Variants in NKAIN2 observed in about 807,000 individuals in gnomAD.
NKAIN2 encodes sodium/potassium-transporting ATPase subunit beta-1-interacting protein 2.
In NKAIN2, 14 loss-of-function variants were observed where a neutral mutation model predicts 32.6. The observed-to-expected ratio is 0.43, with a 90% CI of 0.28 to 0.67. The LOEUF is 0.67. Among genes scored for constraint, NKAIN2 ranks in the 30% least tolerant of loss-of-function variants. The pLI, the probability that NKAIN2 is intolerant of heterozygous loss-of-function variation, is 0.17. For missense variants in NKAIN2, 198 were observed against 258.3 expected (o/e 0.77, Z 1.60); for synonymous variants, 80 against 87.2 (o/e 0.92, Z 0.46).
intron 4 of NKAIN2, among the ~76,000 whole-genome samples, chr6:124,707,611 A>G (rs1014003251): frequency 1.4e-5 from 2 of 143,804 alleles, no homozygotes; most frequent in African/African-American, 5.3e-5. Context: ...GCATTTTTTC[A>G]TGTGTTTTTT....
chr6:124,519,743 T>C (rs1446440667), intron 3 of NKAIN2, among the ~76,000 whole-genome samples: 1 of 152,166 alleles, frequency 6.6e-6, no homozygotes, highest in Non-Finnish European at 1.5e-5. Flanking sequence ...ATTTTAAAAT[T>C]TAAGCAGCAG....
chr6:124,110,720 A>G (rs1430699075), intron 1 of NKAIN2, among the ~76,000 whole-genome samples: 1 of 152,124 alleles, frequency 6.6e-6, no homozygotes, highest in Non-Finnish European at 1.5e-5. Flanking sequence ...TGCAAAAGAC[A>G]TGATTTCATT....
At chr6:124,534,105 A>C (rs889097416) in intron 3 of NKAIN2, among the ~76,000 whole-genome samples, 2 of 152,092 alleles carry the variant, frequency 1.3e-5, no homozygotes, top group Non-Finnish European at 2.9e-5. Context: ...TATGACTGCT[A>C]GTGCCTCCAC....
intron 1 of NKAIN2, among the ~76,000 whole-genome samples, chr6:123,871,461 C>A (rs560634249): frequency 1.3e-5 from 2 of 152,158 alleles, no homozygotes; most frequent in Non-Finnish European, 2.9e-5. Context: ...TCAGAGCTAG[C>A]CTTCATCACC....
chr6:123,832,661 G>T (rs930711768), intron 1 of NKAIN2, among the ~76,000 whole-genome samples: 6 of 152,124 alleles, frequency 3.9e-5, no homozygotes, highest in East Asian at 1.9e-4. Context: ...GCAGATTTTG[G>T]ACATTCTGAC....
intron 4 of NKAIN2, among the ~76,000 whole-genome samples, chr6:124,708,862 C>T (rs1443850636): frequency 6.9e-6 from 1 of 143,962 alleles, no homozygotes; most frequent in Admixed American, 6.9e-5. Flanking sequence ...CTGGCCAGAA[C>T]TTCCAACACT....
intron 3 of NKAIN2, among the ~76,000 whole-genome samples, chr6:124,605,810 A>G (rs1268832105): frequency 6.6e-6 from 1 of 152,012 alleles, no homozygotes; most frequent in African/African-American, 2.4e-5. Flanking sequence ...AATTTCCTTT[A>G]AAGATATCTG....
rs180965982 is a variant in NKAIN2 at position 124,664,862 on chromosome 6, T to G, written c.474+6476T>G. Among the ~76,000 whole-genome samples the G allele has an allele frequency of 1.1e-3, 133 of 120,930 alleles. No homozygotes were observed. In the South Asian group the frequency reaches 0.012, roughly 11 times the overall value. The allele number at this position is 120,930 out of a possible 152,430, so 79.3% of individuals were successfully genotyped here. A position where few individuals can be genotyped will look rare whatever the true frequency, so the allele number is the denominator to read the frequency against. On this transcript the variant is annotated intron_variant, in intron 4 of 6. Transcript: ENST00000368417. ...AGTTAAAAAACATTAGCACAAGCAGTGGAGTTCACAAAGAGAAGAAATTAC... is the reference window on the plus strand; with the variant it reads ...AGTTAAAAAACATTAGCACAAGCAGGGGAGTTCACAAAGAGAAGAAATTAC...
In NKAIN2 at chr6:124,294,904, T is replaced by A. The variant is rs183141695; in HGVS notation, c.192+11762T>A. On this transcript the variant is annotated intron_variant, in intron 2 of 6. Coordinates refer to ENST00000368417, the MANE Select transcript of NKAIN2 (RefSeq NM_001040214.3). Reference sequence around the variant, plus strand: ...AGCGGAATCCATTTTTTTCTTCATATTTTTTTCTTTTAAAGATACCAGTTA... The same window carrying A: ...AGCGGAATCCATTTTTTTCTTCATAATTTTTTCTTTTAAAGATACCAGTTA... Among the ~76,000 whole-genome samples the A allele has an allele frequency of 8.6e-3, 1,300 of 151,910 alleles. 28 individuals carry two copies. The highest frequency in any genetic ancestry group is 0.031 in the African/African-American group (1,260 of 41,228).
In NKAIN2 at chr6:124,398,642, G is replaced by A. The variant is rs1417371258; in HGVS notation, c.273+43295G>A. On this transcript the variant is annotated intron_variant, in intron 3 of 6. Coordinates refer to ENST00000368417, the MANE Select transcript of NKAIN2 (RefSeq NM_001040214.3). Reference sequence around the variant, plus strand: ...TAAAACTACAGGTGGTATGAAGAACGGCTTATAGAGGCAATTTAAAATTGT... The same window carrying A: ...TAAAACTACAGGTGGTATGAAGAACAGCTTATAGAGGCAATTTAAAATTGT... Among the ~76,000 whole-genome samples, 3 of 152,086 alleles carry A rather than the reference G, an allele frequency of 2.0e-5. No homozygotes were observed. The South Asian group carries it at 6.2e-4, about 32-fold the overall frequency.
At chr6:124,636,394 G>A (rs572885387) in intron 3 of NKAIN2, among the ~76,000 whole-genome samples, 25 of 151,720 alleles carry the variant, frequency 1.6e-4, no homozygotes, top group Non-Finnish European at 3.4e-4. Flanking sequence ...TAAACCCAAG[G>A]TTAGTAGGAG....
intron 4 of NKAIN2, among the ~76,000 whole-genome samples, chr6:124,759,567 A>C: frequency 7.2e-6 from 1 of 139,118 alleles, no homozygotes; most frequent in South Asian, 2.4e-4. Context: ...TCTGCCCCCT[A>C]GCCACCCTGT....
chr6:124,053,391 C>T (rs1327129312), intron 1 of NKAIN2, among the ~76,000 whole-genome samples: 2 of 152,082 alleles, frequency 1.3e-5, no homozygotes, highest in Admixed American at 6.6e-5. Context: ...AATCACACAT[C>T]TCTTCTTTGT....
intron 1 of NKAIN2, among the ~76,000 whole-genome samples, chr6:124,064,432 C>T (rs1474982496): frequency 1.3e-5 from 2 of 151,890 alleles, no homozygotes; most frequent in East Asian, 1.9e-4. Flanking sequence ...TCACTCCTAA[C>T]CTCCCAGTTT....
At chr6:124,329,993 G>A (rs972413177) in intron 2 of NKAIN2, among the ~76,000 whole-genome samples, 9 of 152,146 alleles carry the variant, frequency 5.9e-5, no homozygotes, top group South Asian at 2.1e-4. Flanking sequence ...AGGATGCAAG[G>A]GATCCAATGT....
At chr6:124,389,211 A>G (rs1474665058) in intron 3 of NKAIN2, among the ~76,000 whole-genome samples, 3 of 152,066 alleles carry the variant, frequency 2.0e-5, no homozygotes, top group Non-Finnish European at 4.4e-5. Context: ...ACACAACATT[A>G]TTGGAATGAG....
chr6:124,404,168 T>C (rs1773745183), intron 3 of NKAIN2, among the ~76,000 whole-genome samples: 1 of 152,150 alleles, frequency 6.6e-6, no homozygotes, highest in African/African-American at 2.4e-5. Context: ...AGTCTGTTGC[T>C]TGCCTGGGGG....
At chr6:124,047,131 C>T (rs1183214349) in intron 1 of NKAIN2, among the ~76,000 whole-genome samples, 1 of 151,918 alleles carries the variant, frequency 6.6e-6, no homozygotes, top group Non-Finnish European at 1.5e-5. Context: ...CCTTTACAAT[C>T]CAATTACTTT....
At chr6:124,249,405 G>A (rs1238489735) in intron 1 of NKAIN2, among the ~76,000 whole-genome samples, 2 of 151,978 alleles carry the variant, frequency 1.3e-5, no homozygotes, top group Non-Finnish European at 2.9e-5. Flanking sequence ...AGAGCTATGG[G>A]GGGTAGTCAT....
Sources: allele counts gnomAD v4.1 joint callset (sites outside exome capture counted in the v4.1 genomes callset), GRCh38; gene constraint gnomAD v4.1.1; transcripts MANE v1.5; gene names NCBI Gene and HGNC (gene_info 2026-07-23, HGNC 2026-07-21).